Variants in SLC8A1 observed in about 807,000 individuals in gnomAD.
SLC8A1 encodes sodium/calcium exchanger 1.
A neutral mutation model predicts 68.3 loss-of-function variants in SLC8A1; 18 were observed. That is an observed-to-expected ratio of 0.26 (90% CI 0.18 to 0.39). The LOEUF (loss-of-function observed/expected upper bound fraction) is 0.39. SLC8A1 is among the 10% of genes least tolerant of loss of function. SLC8A1 has a pLI of 1.00. For missense variants in SLC8A1, 985 were observed against 1,156.7 expected (o/e 0.85, Z 2.15); for synonymous variants, 475 against 415.5 (o/e 1.14, Z -1.74).
intron 2 of SLC8A1, among the ~76,000 whole-genome samples, chr2:40,285,243 G>C (rs1233660672): frequency 6.6e-6 from 1 of 152,072 alleles, no homozygotes; most frequent in Non-Finnish European, 1.5e-5. Flanking sequence ...TGATTCCAAA[G>C]CCTTTATTTT....
chr2:40,169,817 T>C (rs2047149902), intron 4 of SLC8A1, among the ~76,000 whole-genome samples: 2 of 152,206 alleles, frequency 1.3e-5, no homozygotes, highest in Admixed American at 6.5e-5. Flanking sequence ...GGTACACACC[T>C]ATAGTCCTAG....
At chr2:40,427,580 C>T (rs1576406772) in intron 2 of SLC8A1, among the ~76,000 whole-genome samples, 4 of 151,978 alleles carry the variant, frequency 2.6e-5, no homozygotes, top group Admixed American at 2.6e-4. Context: ...TTGAGTGCAA[C>T]ACACTTTCCT....
At chr2:40,504,737 A>G (rs548996668) in intron 1 of SLC8A1, among the ~76,000 whole-genome samples, 2 of 152,144 alleles carry the variant, frequency 1.3e-5, no homozygotes, top group South Asian at 4.1e-4. Flanking sequence ...TCATCAGAGA[A>G]ATGCAAATCA....
chr2:40,450,351 AGTGT>A (rs141272449), intron 1 of SLC8A1, among the ~76,000 whole-genome samples: 12 of 149,904 alleles, frequency 8.0e-5, no homozygotes, highest in African/African-American at 2.7e-4. Context: ...AAAGCATGTG[AGTGT>A]GTGTGTGTGT....
intron 7 of SLC8A1, among the ~76,000 whole-genome samples, chr2:40,129,272 C>A (rs2038824254): frequency 6.6e-6 from 1 of 150,784 alleles, no homozygotes; most frequent in African/African-American, 2.4e-5. Flanking sequence ...CACTCTGTCA[C>A]TGAGGCTGAG....
At chr2:40,348,458 T>TA (rs1283233845) in intron 2 of SLC8A1, among the ~76,000 whole-genome samples, 1 of 152,166 alleles carries the variant, frequency 6.6e-6, no homozygotes, top group African/African-American at 2.4e-5. Context: ...ATACATCTAA[T>TA]AAAAAAGCTT....
At chr2:40,191,239 A>G (rs565655013) in intron 2 of SLC8A1, among the ~76,000 whole-genome samples, 2 of 152,290 alleles carry the variant, frequency 1.3e-5, no homozygotes, top group South Asian at 2.1e-4. Flanking sequence ...TGCAAGGTCC[A>G]GTGATGTACC....
At chr2:40,103,885 C>A (rs1357510698) in exon 8 of SLC8A1, 1 of 152,190 alleles carries the variant, frequency 6.6e-6, no homozygotes, top group Non-Finnish European at 1.5e-5. Context: ...ATATGGGCAG[C>A]AGCTGGCTCA....
At chr2:40,246,816 C>T (rs1193570527) in intron 2 of SLC8A1, among the ~76,000 whole-genome samples, 5 of 152,050 alleles carry the variant, frequency 3.3e-5, no homozygotes, top group Admixed American at 2.6e-4. Flanking sequence ...ATTATGACAC[C>T]TCAGAGGAAT....
rs1284749552 is a variant in SLC8A1 at position 40,364,864 on chromosome 2, CTTTTAA to C, written c.1808+63603_1808+63608del. ...AGTGAAAGTGCTGCAATTTTTTTTT[CTTTTAA>C]TTTTTTTTCTTGAGAAATGACAGGG... On this transcript the variant is annotated intron_variant, in intron 2 of 7. Coordinates refer to ENST00000406785, the Ensembl canonical transcript of SLC8A1. Among the ~76,000 whole-genome samples the C allele has an allele frequency of 6.6e-5, 10 of 151,696 alleles. No individual in the cohort carries two copies. The East Asian group carries it at 1.7e-3, about 26-fold the overall frequency.
chr2:40,401,952 T>A (rs544640556), intron 2 of SLC8A1, among the ~76,000 whole-genome samples: 1 of 152,200 alleles, frequency 6.6e-6, no homozygotes, highest in Non-Finnish European at 1.5e-5. Flanking sequence ...TCTAATTTTC[T>A]AACTTTAAGT....
In SLC8A1 at chr2:40,146,502, T is replaced by G. The variant is rs567007628; in HGVS notation, c.2162-6826A>C. Among the ~76,000 whole-genome samples, 24 of 152,252 alleles carry G rather than the reference T, an allele frequency of 1.6e-4. No individual in the cohort carries two copies. In the South Asian group the frequency reaches 5.0e-3, roughly 32 times the overall value. On this transcript the variant is annotated intron_variant, in intron 6 of 7. Coordinates refer to ENST00000406785, the Ensembl canonical transcript of SLC8A1. ...TTCTGGAAGACAATTTTGATGGTTT[T>G]GGGATGATTCAAGCACATTACATGT... is the stretch of plus-strand genomic sequence containing the variant.
chr2:40,257,229 A>G (rs1005411402), intron 2 of SLC8A1, among the ~76,000 whole-genome samples: 2 of 152,150 alleles, frequency 1.3e-5, no homozygotes, highest in African/African-American at 4.8e-5. Context: ...ATAAAAAATA[A>G]ATAAATAAAA....
chr2:40,456,575 G>T (rs1703036983), upstream of SLC8A1, among the ~76,000 whole-genome samples: 1 of 152,174 alleles, frequency 6.6e-6, no homozygotes, highest in East Asian at 1.9e-4. Context: ...GTGACCTTGG[G>T]GAAGCTTTTT....
chr2:40,313,717 A>G (rs142854053), intron 2 of SLC8A1, among the ~76,000 whole-genome samples: 1 of 152,060 alleles, frequency 6.6e-6, no homozygotes, highest in South Asian at 2.1e-4. Flanking sequence ...TCAATTTTTA[A>G]TTGTAGCTAC....
chr2:40,463,849 C>CAAACACACACACACACACAT (rs1703488038), intron 1 of SLC8A1, among the ~76,000 whole-genome samples: 1 of 84,066 alleles, frequency 1.2e-5, no homozygotes, highest in Non-Finnish European at 2.4e-5. Flanking sequence ...TACACACACA[C>CAAACACACACACACACACAT]ACACACACAC....
chr2:40,156,762 T>C (rs962267341), intron 6 of SLC8A1, among the ~76,000 whole-genome samples: 1 of 152,186 alleles, frequency 6.6e-6, no homozygotes. Context: ...TATGTATGCA[T>C]GTTTTGTGTA....
chr2:40,283,042 T>A (rs2067752389), intron 2 of SLC8A1, among the ~76,000 whole-genome samples: 1 of 152,238 alleles, frequency 6.6e-6, no homozygotes. Context: ...TTATTCTTTA[T>A]CAAGCCACAA....
chr2:40,139,261 C>G (rs2041115901), intron 7 of SLC8A1, 140 bp downstream of exon 10: 2 of 937,120 alleles, frequency 2.1e-6, no homozygotes, highest in Admixed American at 5.5e-5. Context: ...CCGGCAGTAA[C>G]ATTTATTTAT....
Sources: allele counts gnomAD v4.1 joint callset (sites outside exome capture counted in the v4.1 genomes callset), GRCh38; gene constraint gnomAD v4.1.1; transcripts MANE v1.5; gene names NCBI Gene and HGNC (gene_info 2026-07-23, HGNC 2026-07-21).